The following RIN3 variants were observed in gnomAD, a reference collection of about 807,000 sequenced individuals.
The protein encoded by RIN3 is Ras and Rab interactor 3, also known as RAB5 interacting protein 3.
RIN3 carries 54 observed loss-of-function variants against 76.3 expected under a neutral mutation model. The observed-to-expected ratio is 0.71, with a 90% CI of 0.57 to 0.89. The LOEUF is 0.89. Among genes scored for constraint, RIN3 ranks in the 40% least tolerant of loss-of-function variants. The pLI, the probability that RIN3 is intolerant of heterozygous loss-of-function variation, is 0.00. For synonymous variants in RIN3, 576 were observed against 564.0 expected, an observed-to-expected ratio of 1.02 and a Z score of -0.30; for missense variants, 1,256 against 1,322.1, an observed-to-expected ratio of 0.95 and a Z score of 0.78.
intron 4 of RIN3, among the ~76,000 whole-genome samples, chr14:92,621,640 G>A (rs1886187673): frequency 6.6e-6 from 1 of 152,160 alleles, no homozygotes; most frequent in Admixed American, 6.5e-5. Context: ...TCAATAGAAA[G>A]GAAATGTTCA....
intron 4 of RIN3, among the ~76,000 whole-genome samples, chr14:92,632,467 G>A (rs973370117): frequency 2.0e-5 from 3 of 152,210 alleles, no homozygotes; most frequent in Admixed American, 2.0e-4. Context: ...CTGATCCTTG[G>A]AAGGGGTTTA....
At chr14:92,521,948 T>C (rs1896608218) in intron 1 of RIN3, among the ~76,000 whole-genome samples, 2 of 152,098 alleles carry the variant, frequency 1.3e-5, no homozygotes, top group Non-Finnish European at 2.9e-5. Flanking sequence ...AAATCAAGCA[T>C]ATGCAGAGAA....
chr14:92,536,975 C>T (rs8008855), intron 1 of RIN3, among the ~76,000 whole-genome samples: 54,950 of 151,540 alleles, frequency 0.36, 10,120 homozygotes, highest in African/African-American at 0.42. Flanking sequence ...AATTTATTTC[C>T]GAGTAGGTAA....
chr14:92,637,634 A>G (rs979621763), intron 4 of RIN3, among the ~76,000 whole-genome samples: 15 of 152,164 alleles, frequency 9.9e-5, no homozygotes, highest in Non-Finnish European at 8.8e-5. Context: ...TTCTTTTCTA[A>G]TTAAAAAAAA....
chr14:92,604,101 C>A (rs1419056247), intron 3 of RIN3, among the ~76,000 whole-genome samples: 1 of 152,222 alleles, frequency 6.6e-6, no homozygotes, highest in African/African-American at 2.4e-5. Context: ...GGGGAAGGCG[C>A]CTGCCCCTTT....
intron 4 of RIN3, among the ~76,000 whole-genome samples, chr14:92,620,306 A>T (rs1334272017): frequency 1.3e-5 from 2 of 152,248 alleles, no homozygotes; most frequent in African/African-American, 4.8e-5. Flanking sequence ...ACACATTGCC[A>T]TGAATTAAGA....
chr14:92,555,630 C>T, intron 1 of RIN3, 121 bp from the exon 2 acceptor site: 2 of 921,204 alleles, frequency 2.2e-6, no homozygotes, highest in Non-Finnish European at 3.4e-6. Context: ...TTTTAATTCC[C>T]CAAAGGGCCA....
At chr14:92,650,347 C>G (rs1338985257) in intron 5 of RIN3, among the ~76,000 whole-genome samples, 1 of 152,246 alleles carries the variant, frequency 6.6e-6, no homozygotes, top group Non-Finnish European at 1.5e-5. Context: ...TTACCCTCAT[C>G]TGTGAACTGG....
At chr14:92,587,735 G>A (rs1330579028) in intron 3 of RIN3, among the ~76,000 whole-genome samples, 3 of 152,054 alleles carry the variant, frequency 2.0e-5, no homozygotes, top group East Asian at 1.9e-4. Flanking sequence ...GTGGGGTCAG[G>A]GGTCAGAGCC....
chr14:92,678,549 C>T (rs1054453884), intron 8 of RIN3, among the ~76,000 whole-genome samples: 2 of 146,522 alleles, frequency 1.4e-5, no homozygotes, highest in African/African-American at 2.5e-5. Flanking sequence ...TTCACTCATG[C>T]ACCCATCCAC....
At chr14:92,565,777 T>C (rs1897900984) in intron 2 of RIN3, among the ~76,000 whole-genome samples, 2 of 152,180 alleles carry the variant, frequency 1.3e-5, no homozygotes, top group African/African-American at 4.8e-5. Flanking sequence ...GGCCGGCTTC[T>C]TTACCACATC....
intron 3 of RIN3, among the ~76,000 whole-genome samples, chr14:92,580,451 A>G (rs1595432304): frequency 6.6e-6 from 1 of 152,358 alleles, no homozygotes; most frequent in East Asian, 1.9e-4. Flanking sequence ...GGCACTGTTC[A>G]CTGCCTCTCA....
intron 3 of RIN3, among the ~76,000 whole-genome samples, chr14:92,579,500 A>G (rs922412394): frequency 1.3e-5 from 2 of 152,234 alleles, no homozygotes; most frequent in African/African-American, 4.8e-5. Context: ...AGCAGTTTCA[A>G]TGGCTATGTG....
chr14:92,526,364 C>T (rs1021158693), intron 1 of RIN3, among the ~76,000 whole-genome samples: 4 of 151,750 alleles, frequency 2.6e-5, no homozygotes, highest in Admixed American at 6.6e-5. Flanking sequence ...GAGGCTGATG[C>T]GGCAGGATCA....
chr14:92,664,705 G>A (rs1888022151), intron 7 of RIN3, among the ~76,000 whole-genome samples: 1 of 152,048 alleles, frequency 6.6e-6, no homozygotes, highest in African/African-American at 2.4e-5. Flanking sequence ...CATACATAAT[G>A]TTTTGTCTGA....
At chr14:92,608,761 C>A (rs1336332549) in intron 3 of RIN3, among the ~76,000 whole-genome samples, 1 of 152,186 alleles carries the variant, frequency 6.6e-6, no homozygotes, top group Non-Finnish European at 1.5e-5. Flanking sequence ...TCTCGAACTC[C>A]TGACCTCAAC....
At chr14:92,598,146 T>C (rs1885215929) in intron 3 of RIN3, among the ~76,000 whole-genome samples, 1 of 152,284 alleles carries the variant, frequency 6.6e-6, no homozygotes, top group South Asian at 2.1e-4. Flanking sequence ...CTGCCTGGAC[T>C]CTGGGAGCTC....
At chr14:92,515,049 TG>T (rs554460401) in intron 1 of RIN3, 2 of 562,682 alleles carry the variant, frequency 3.6e-6, no homozygotes, top group African/African-American at 3.8e-5. Context: ...AGTCCTGAAC[TG>T]GGGGACAGCT....
intron 3 of RIN3, among the ~76,000 whole-genome samples, chr14:92,595,721 G>T (rs8022826): frequency 0.016 from 2,411 of 152,266 alleles, 71 homozygotes; most frequent in African/African-American, 0.055. Flanking sequence ...GACCTCACCT[G>T]GCAAGAGACA....
Sources: gnomAD v4.1 joint callset for allele counts (sites outside exome capture counted in the v4.1 genomes callset) on GRCh38, gnomAD v4.1.1 for gene constraint, MANE v1.5 for transcripts, NCBI Gene and HGNC (gene_info 2026-07-23, HGNC 2026-07-21) for gene names.